SEMA5A: variants seen among roughly 807,000 people sequenced by gnomAD.
SEMA5A encodes the protein semaphorin-5A.
A neutral mutation model predicts 135.5 loss-of-function variants in SEMA5A; 55 were observed. The ratio of observed to expected loss-of-function variants is 0.41; its 90% CI spans 0.33 to 0.51. The LOEUF is 0.51. SEMA5A is among the 20% of genes least tolerant of loss of function. The probability of loss-of-function intolerance (pLI) is 0.37; values close to 1 mark genes in which losing one functional copy is unlikely to be tolerated. For missense variants in SEMA5A, 1,290 were observed against 1,419.9 expected (o/e 0.91, Z 1.47); for synonymous variants, 580 against 546.5 (o/e 1.06, Z -0.85).
At chr5:9,450,861 A>T (rs976712413) in intron 1 of SEMA5A, among the ~76,000 whole-genome samples, 2 of 152,168 alleles carry the variant, frequency 1.3e-5, no homozygotes, top group Non-Finnish European at 2.9e-5. Flanking sequence ...GTGTGTTTTA[A>T]TCTTGACTTT....
intron 2 of SEMA5A, among the ~76,000 whole-genome samples, chr5:9,381,942 T>TTTTGTGTGTGTGTGTG (rs3221787): frequency 9.1e-6 from 1 of 109,304 alleles, no homozygotes; most frequent in Non-Finnish European, 1.8e-5. Flanking sequence ...TAGAATCATT[T>TTTTGTGTGTGTGTGTG]TGTGTGTGTG....
chr5:9,345,294 A>G (rs542918454), intron 3 of SEMA5A, among the ~76,000 whole-genome samples: 1 of 152,284 alleles, frequency 6.6e-6, no homozygotes, highest in African/African-American at 2.4e-5. Flanking sequence ...TCAACAATCT[A>G]ACTTGGAGAA....
chr5:9,502,886 G>C (rs143482282), intron 1 of SEMA5A, among the ~76,000 whole-genome samples: 488 of 152,286 alleles, frequency 3.2e-3, no homozygotes, highest in Non-Finnish European at 5.9e-3. Context: ...AAAGTGTCAG[G>C]GGTCAACAGA....
At chr5:9,067,240 A>T (rs1737527460) in intron 16 of SEMA5A, among the ~76,000 whole-genome samples, 1 of 152,186 alleles carries the variant, frequency 6.6e-6, no homozygotes, top group South Asian at 2.1e-4. Flanking sequence ...CCTCCCTCCC[A>T]GGTACCTCCC....
intron 1 of SEMA5A, among the ~76,000 whole-genome samples, chr5:9,451,864 C>T (rs1406449208): frequency 6.6e-6 from 1 of 152,132 alleles, no homozygotes; most frequent in Non-Finnish European, 1.5e-5. Flanking sequence ...CAGTAACTCT[C>T]CTTAGCAGAC....
intron 13 of SEMA5A, among the ~76,000 whole-genome samples, chr5:9,133,348 C>T (rs1033657259): frequency 6.6e-6 from 1 of 152,084 alleles, no homozygotes; most frequent in African/African-American, 2.4e-5. Flanking sequence ...GCCTATATAA[C>T]CCAGAAATAT....
At chr5:9,107,823 A>G (rs2150154402) in intron 16 of SEMA5A, among the ~76,000 whole-genome samples, 1 of 152,266 alleles carries the variant, frequency 6.6e-6, no homozygotes, top group African/African-American at 2.4e-5. Context: ...TTTGCAGAAG[A>G]TCCAGTGTGT....
chr5:9,056,359 T>C (rs1304497751), intron 18 of SEMA5A, among the ~76,000 whole-genome samples: 3 of 152,144 alleles, frequency 2.0e-5, no homozygotes, highest in Non-Finnish European at 4.4e-5. Flanking sequence ...TTGGAGCCCT[T>C]ATACACTGTT....
chr5:9,381,320 A>G (rs1445789304), intron 2 of SEMA5A, among the ~76,000 whole-genome samples: 2 of 152,352 alleles, frequency 1.3e-5, no homozygotes, highest in South Asian at 2.1e-4. Context: ...AGGCAAACAT[A>G]GTACACAATA....
chr5:9,360,325 A>G (rs1174583069), intron 3 of SEMA5A, among the ~76,000 whole-genome samples: 2 of 152,236 alleles, frequency 1.3e-5, no homozygotes, highest in South Asian at 2.1e-4. Context: ...AATTGGATAG[A>G]TTAAATATAT....
At chr5:9,435,386 C>A (rs1757992982) in intron 2 of SEMA5A, among the ~76,000 whole-genome samples, 1 of 152,128 alleles carries the variant, frequency 6.6e-6, no homozygotes, top group South Asian at 2.1e-4. Context: ...TAATATTTAC[C>A]AGGCCCTAAT....
intron 11 of SEMA5A, among the ~76,000 whole-genome samples, chr5:9,182,595 C>T (rs1464741935): frequency 6.6e-6 from 1 of 152,034 alleles, no homozygotes; most frequent in African/African-American, 2.4e-5. Flanking sequence ...TTGAGGGTGA[C>T]ATCTGCCTAT....
chr5:9,180,795 T>G (rs1353039919), intron 11 of SEMA5A, among the ~76,000 whole-genome samples: 1 of 152,074 alleles, frequency 6.6e-6, no homozygotes, highest in East Asian at 1.9e-4. Context: ...AAAAAAAAAT[T>G]TGCAGGGAGA....
chr5:9,112,326 G>A (rs1740286404), intron 15 of SEMA5A, among the ~76,000 whole-genome samples: 1 of 152,102 alleles, frequency 6.6e-6, no homozygotes, highest in African/African-American at 2.4e-5. Context: ...GCAATAAAGT[G>A]TTCTTTCTAT....
intron 2 of SEMA5A, among the ~76,000 whole-genome samples, chr5:9,418,035 G>A (rs2126623326): frequency 6.6e-6 from 1 of 151,308 alleles, no homozygotes; most frequent in South Asian, 2.1e-4. Flanking sequence ...GGATTGCAGT[G>A]GCGTGATCTC....
chr5:9,184,944 T>C lies in SEMA5A; in HGVS notation c.1273+5323A>G, dbSNP rs1489165699. 2.0e-5 allele frequency among the ~76,000 whole-genome samples: 3 copies of C among 152,160 alleles called. No individual in the cohort carries two copies. The East Asian group carries it at 5.8e-4, about 29-fold the overall frequency. On this transcript the variant is annotated intron_variant, in intron 11 of 22. Coordinates refer to ENST00000382496, the MANE Select transcript of SEMA5A (RefSeq NM_003966.3). Reference sequence around the variant, plus strand: ...GAGCCTTCATATTTTTTTTTCCTTTTTGAGACAGCATCTTACTCTGCTTCC... The same window carrying C: ...GAGCCTTCATATTTTTTTTTCCTTTCTGAGACAGCATCTTACTCTGCTTCC...
At chr5:9,257,309 T>C (rs906285550) in intron 5 of SEMA5A, among the ~76,000 whole-genome samples, 6 of 152,196 alleles carry the variant, frequency 3.9e-5, no homozygotes, top group Admixed American at 2.0e-4. Flanking sequence ...ATTTCAATTG[T>C]TCCTTGGATG....
At chr5:9,115,971 C>G (rs1455797565) in intron 15 of SEMA5A, among the ~76,000 whole-genome samples, 1 of 152,160 alleles carries the variant, frequency 6.6e-6, no homozygotes, top group African/African-American at 2.4e-5. Context: ...GTGACAACAC[C>G]AGGAAGGATC....
intron 17 of SEMA5A, among the ~76,000 whole-genome samples, chr5:9,064,497 C>A (rs925061421): frequency 2.6e-4 from 39 of 152,012 alleles, no homozygotes; most frequent in African/African-American, 8.7e-4. Flanking sequence ...TTTGCAAGGA[C>A]ATGGATGAAT....
Sources: allele counts gnomAD v4.1 joint callset (sites outside exome capture counted in the v4.1 genomes callset), GRCh38; gene constraint gnomAD v4.1.1; transcripts MANE v1.5; gene names NCBI Gene and HGNC (gene_info 2026-07-23, HGNC 2026-07-21).